EBF2: variants seen among roughly 807,000 people sequenced by gnomAD.
EBF2 encodes the protein EBF transcription factor 2, also known as transcription factor COE2.
EBF2 carries 21 observed loss-of-function variants against 72.8 expected under a neutral mutation model. The observed-to-expected ratio is 0.29, with a 90% CI of 0.20 to 0.42. The LOEUF (loss-of-function observed/expected upper bound fraction) is 0.42, where lower values mean the gene tolerates loss of function less well. Among genes scored for constraint, EBF2 ranks in the 10% least tolerant of loss-of-function variants. The probability of loss-of-function intolerance (pLI) is 1.00; values close to 1 mark genes in which losing one functional copy is unlikely to be tolerated. For missense variants in EBF2, 637 were observed against 731.2 expected (o/e 0.87, Z 1.49); for synonymous variants, 299 against 274.2 (o/e 1.09, Z -0.89).
chr8:25,957,605 G>C (rs980495704), intron 6 of EBF2, among the ~76,000 whole-genome samples: 6 of 152,218 alleles, frequency 3.9e-5, no homozygotes, highest in African/African-American at 1.4e-4. Flanking sequence ...GCTCATGCCT[G>C]TAATCCCAGC....
chr8:25,891,383 A>T (rs766244578), intron 7 of EBF2, among the ~76,000 whole-genome samples: 56 of 152,134 alleles, frequency 3.7e-4, no homozygotes, highest in Non-Finnish European at 6.9e-4. Context: ...TTATTGAGAA[A>T]AAAAAAGAAC....
At position 25,861,210 on chromosome 8, in the gene EBF2, C is replaced by G; in HGVS notation, c.1181G>C (p.Arg394Pro). 1.2e-6 allele frequency: 2 copies of G among 1,613,072 alleles called. No homozygotes were observed. Among genetic ancestry groups the G allele is most frequent in the Non-Finnish European group, 1.7e-6 (2 of 1,179,386 alleles). The change falls in exon 13 of 16, where the codon CGA becomes CCA. Residue 394 changes from arginine (R) to proline (P), a missense_variant. Around this residue, in one of 3 missense-constraint regions of EBF2, gnomAD observed 259 missense variants for 268.1 expected, o/e 0.97. Coordinates refer to ENST00000520164, the MANE Select transcript of EBF2 (RefSeq NM_022659.4). ...PHNNQDIILK[R>P]AADIAEALYS... ...GAGAGCTTCAGCAATGTCTGCGGCT[C>G]GCTTCAAAATGATGTCCTACAAAAC...
At chr8:26,023,081 C>A (rs930488290) in intron 6 of EBF2, among the ~76,000 whole-genome samples, 24 of 152,172 alleles carry the variant, frequency 1.6e-4, no homozygotes, top group Non-Finnish European at 2.9e-5. Context: ...CATTTCCCAA[C>A]CATTTGGCAT....
At chr8:25,918,286 G>A (rs1803257788) in intron 6 of EBF2, among the ~76,000 whole-genome samples, 1 of 152,186 alleles carries the variant, frequency 6.6e-6, no homozygotes, top group South Asian at 2.1e-4. Flanking sequence ...CAGATTCATA[G>A]ATTAGCAGAT....
At chr8:26,034,043 G>C (rs989241624) in intron 5 of EBF2, among the ~76,000 whole-genome samples, 10 of 152,228 alleles carry the variant, frequency 6.6e-5, no homozygotes, top group African/African-American at 2.4e-4. Context: ...TTAGATATTT[G>C]TGGCTCAGTA....
intron 14 of EBF2, among the ~76,000 whole-genome samples, chr8:25,853,860 A>G (rs949619989): frequency 1.3e-5 from 2 of 152,116 alleles, no homozygotes; most frequent in African/African-American, 4.8e-5. Context: ...AGATTACATA[A>G]CACATACTAA....
At chr8:25,853,432 T>C (rs1802022975) in intron 14 of EBF2, among the ~76,000 whole-genome samples, 1 of 151,772 alleles carries the variant, frequency 6.6e-6, no homozygotes, top group Non-Finnish European at 1.5e-5. Context: ...ATAGAAACAC[T>C]CAAACTGATT....
chr8:25,853,004 A>T (rs1490180696), intron 14 of EBF2, among the ~76,000 whole-genome samples: 1 of 152,186 alleles, frequency 6.6e-6, no homozygotes, highest in Non-Finnish European at 1.5e-5. Context: ...AGACCTGGGT[A>T]TAGATGGGAA....
intron 7 of EBF2, among the ~76,000 whole-genome samples, chr8:25,893,556 G>T (rs1212295897): frequency 6.6e-6 from 1 of 152,094 alleles, no homozygotes; most frequent in African/African-American, 2.4e-5. Flanking sequence ...GGGATTACAG[G>T]CATGAGCCAC....
intron 10 of EBF2, among the ~76,000 whole-genome samples, chr8:25,870,500 A>G (rs188229303): frequency 3.9e-4 from 59 of 152,230 alleles, no homozygotes; most frequent in African/African-American, 1.4e-3. Flanking sequence ...CCAGCCAGGT[A>G]GCACCACCTT....
intron 10 of EBF2, among the ~76,000 whole-genome samples, chr8:25,866,534 ATATATAT>A (rs1172041013): frequency 4.2e-5 from 6 of 143,434 alleles, no homozygotes; most frequent in Non-Finnish European, 6.1e-5. Flanking sequence ...AAAATATATA[ATATATAT>A]TATATGTAAT....
chr8:25,915,971 A>G (rs139536974), intron 6 of EBF2, among the ~76,000 whole-genome samples: 5 of 152,300 alleles, frequency 3.3e-5, no homozygotes, highest in African/African-American at 1.2e-4. Context: ...TACTGTAAAA[A>G]TTAGGGACTT....
intron 6 of EBF2, among the ~76,000 whole-genome samples, chr8:25,911,453 A>G (rs1416508019): frequency 6.6e-6 from 1 of 152,080 alleles, no homozygotes; most frequent in Non-Finnish European, 1.5e-5. Flanking sequence ...GGCAACTCAA[A>G]CCTTCAGATG....
At chr8:25,854,693 A>G (rs889782726) in intron 14 of EBF2, among the ~76,000 whole-genome samples, 1 of 152,144 alleles carries the variant, frequency 6.6e-6, no homozygotes, top group Non-Finnish European at 1.5e-5. Context: ...GTAGAAATAT[A>G]TCAGAATTCA....
In EBF2 at chr8:25,841,816, TTAAG is replaced by T. The variant is rs1159825922; in HGVS notation, c.*2789_*2792del. ...ATTCATTTTACAAACAAGATATTCT[TTAAG>T]TAAGACCATTAAAAACAGTAAACAA... On this transcript the variant is annotated 3_prime_UTR_variant, in exon 16 of 16. Coordinates refer to ENST00000520164, the MANE Select transcript of EBF2 (RefSeq NM_022659.4). 1.0e-3 allele frequency: 158 copies of T among 152,330 alleles called. No individual in the cohort carries two copies. Among genetic ancestry groups the T allele is most frequent in the African/African-American group, 3.6e-3 (149 of 41,594 alleles). 9.4% of individuals were successfully genotyped at this position (152,330 alleles called of 1,614,324 possible).
chr8:25,941,922 C>A (rs565218419), intron 6 of EBF2, among the ~76,000 whole-genome samples: 13 of 152,304 alleles, frequency 8.5e-5, no homozygotes, highest in South Asian at 4.1e-4. Flanking sequence ...CCATTTTAGT[C>A]CATGCTGTGG....
At chr8:25,989,471 A>C (rs955392147) in intron 6 of EBF2, among the ~76,000 whole-genome samples, 13 of 152,238 alleles carry the variant, frequency 8.5e-5, no homozygotes, top group African/African-American at 3.1e-4. Flanking sequence ...TGATTTATAA[A>C]GTATGTTATT....
At chr8:25,891,780 G>T (rs1802786250) in intron 7 of EBF2, among the ~76,000 whole-genome samples, 1 of 152,052 alleles carries the variant, frequency 6.6e-6, no homozygotes, top group Non-Finnish European at 1.5e-5. Flanking sequence ...GTTTCACCAT[G>T]TTGGCCAGGC....
Position 25,850,590 on chromosome 8 carries a change from T to G in EBF2, c.1696+4A>C, listed in dbSNP as rs997663416. Reference sequence around the variant, plus strand: ...TGTATCCCCAAAATAGAACCCTTGCTTACCTCTGAATCCATTTCCATTGCC... The same window carrying G: ...TGTATCCCCAAAATAGAACCCTTGCGTACCTCTGAATCCATTTCCATTGCC... On this transcript the variant is annotated splice_donor_region_variant and intron_variant, in intron 15 of 15. Coordinates refer to ENST00000520164, the MANE Select transcript of EBF2 (RefSeq NM_022659.4). The G allele has an allele frequency of 1.3e-6, 2 of 1,546,444 alleles. No homozygotes were observed. Among genetic ancestry groups the G allele is most frequent in the Non-Finnish European group, 8.6e-7 (1 of 1,156,190 alleles).
Sources: gnomAD v4.1 joint callset for allele counts (sites outside exome capture counted in the v4.1 genomes callset) on GRCh38, gnomAD v4.1.1 for gene constraint, gnomAD v4.1.1 regional missense constraint, MANE v1.5 for transcripts, NCBI Gene and HGNC (gene_info 2026-07-23, HGNC 2026-07-21) for gene names.